ZNF804A: variants seen among roughly 807,000 people sequenced by gnomAD.
The protein encoded by ZNF804A is zinc finger protein 804A.
A neutral mutation model predicts 16.5 loss-of-function variants in ZNF804A; 2 were observed. The observed-to-expected ratio is 0.12, with a 90% CI of 0.05 to 0.38. ZNF804A has a LOEUF of 0.38. ZNF804A is among the 10% of genes least tolerant of loss of function. ZNF804A has a pLI of 0.99. For synonymous variants in ZNF804A, 534 were observed against 489.6 expected, an observed-to-expected ratio of 1.09 and a Z score of -1.20; for missense variants, 1,473 against 1,390.7, an observed-to-expected ratio of 1.06 and a Z score of -0.94.
chr2:184,711,792 T>C (rs1693132350), intron 1 of ZNF804A, among the ~76,000 whole-genome samples: 2 of 151,762 alleles, frequency 1.3e-5, no homozygotes, highest in South Asian at 2.1e-4. Flanking sequence ...TGACCATACA[T>C]ATATGGGTTT....
chr2:184,936,816 G>A lies in ZNF804A; in HGVS notation c.1420G>A (p.Asp474Asn), dbSNP rs1253639368. ...GTCTACTAAAGTAAATAATAATCTAGATAAAAATAAGCCAGACTTAAAAGA... is the reference window on the plus strand; with the variant it reads ...GTCTACTAAAGTAAATAATAATCTAAATAAAAATAAGCCAGACTTAAAAGA... ...FKSTKVNNNL[D>N]KNKPDLKDLC... is the part of the protein sequence containing the mutation. Residue 474 changes from aspartate (D) to asparagine (N), a missense_variant, in exon 4 of 4, where the codon GAT (aspartate) becomes AAT (asparagine). By Grantham distance (23) the Asp-to-Asn change is conservative. Coordinates refer to ENST00000302277, the MANE Select transcript of ZNF804A (RefSeq NM_194250.2). 1 of 1,612,940 alleles carries A rather than the reference G, an allele frequency of 6.2e-7. No homozygotes were observed. The highest frequency in any genetic ancestry group is 8.5e-7 in the Non-Finnish European group (1 of 1,179,606).
chr2:184,890,731 A>G (rs1684968079), intron 2 of ZNF804A, among the ~76,000 whole-genome samples: 1 of 151,666 alleles, frequency 6.6e-6, no homozygotes, highest in South Asian at 2.1e-4. Context: ...TCCTTCCAAA[A>G]TTAATTATTC....
chr2:184,683,283 GA>G (rs1256208264), intron 1 of ZNF804A, among the ~76,000 whole-genome samples: 1 of 151,970 alleles, frequency 6.6e-6, no homozygotes, highest in Non-Finnish European at 1.5e-5. Flanking sequence ...TTGTATGGGG[GA>G]TATACACTTT....
intron 1 of ZNF804A, among the ~76,000 whole-genome samples, chr2:184,856,616 T>C (rs184815270): frequency 6.5e-4 from 99 of 152,238 alleles, no homozygotes; most frequent in African/African-American, 2.3e-3. Context: ...TCAGGAATGA[T>C]GGTGATACCA....
intron 1 of ZNF804A, among the ~76,000 whole-genome samples, chr2:184,743,561 A>C (rs1693739732): frequency 6.6e-6 from 1 of 151,982 alleles, no homozygotes; most frequent in Admixed American, 6.6e-5. Context: ...AAATCACAGA[A>C]ACAAACTTTA....
intron 1 of ZNF804A, among the ~76,000 whole-genome samples, chr2:184,653,759 C>T (rs1040900456): frequency 2.0e-5 from 3 of 152,230 alleles, no homozygotes; most frequent in African/African-American, 7.2e-5. Context: ...GCATTCTTCC[C>T]TTTTCTGGTG....
At chr2:184,624,812 A>G (rs1451720121) in intron 1 of ZNF804A, among the ~76,000 whole-genome samples, 1 of 152,194 alleles carries the variant, frequency 6.6e-6, no homozygotes, top group Non-Finnish European at 1.5e-5. Context: ...ATTTATAACC[A>G]TGAAGAATAG....
At chr2:184,829,828 A>G (rs1246301246) in intron 1 of ZNF804A, among the ~76,000 whole-genome samples, 1 of 147,924 alleles carries the variant, frequency 6.8e-6, no homozygotes, top group Non-Finnish European at 1.5e-5. Context: ...TTGGAAGGCC[A>G]AGACTGGCAG....
At chr2:184,861,969 T>C (rs1695806675) in intron 1 of ZNF804A, among the ~76,000 whole-genome samples, 1 of 152,170 alleles carries the variant, frequency 6.6e-6, no homozygotes, top group East Asian at 1.9e-4. Context: ...TTTTTACATA[T>C]ATGTAAAAAG....
At chr2:184,643,331 C>T (rs1164190336) in intron 1 of ZNF804A, among the ~76,000 whole-genome samples, 3 of 151,806 alleles carry the variant, frequency 2.0e-5, no homozygotes, top group Non-Finnish European at 2.9e-5. Flanking sequence ...ATTTTTGAAC[C>T]TTGGATTTCT....
chr2:184,698,011 A>C (rs1692860767), intron 1 of ZNF804A, among the ~76,000 whole-genome samples: 2 of 152,056 alleles, frequency 1.3e-5, no homozygotes, highest in Non-Finnish European at 2.9e-5. Context: ...TTTTATTTGG[A>C]AAATTGAAGT....
chr2:184,609,820 G>T (rs1259402926), intron 1 of ZNF804A, among the ~76,000 whole-genome samples: 3 of 152,196 alleles, frequency 2.0e-5, no homozygotes, highest in Admixed American at 2.0e-4. Context: ...TATTTTGGGG[G>T]ATACAGAAGT....
intron 2 of ZNF804A, among the ~76,000 whole-genome samples, chr2:184,887,925 T>G (rs1355667265): frequency 1.3e-5 from 2 of 151,904 alleles, no homozygotes; most frequent in Non-Finnish European, 2.9e-5. Context: ...AAACATTGAG[T>G]ATATATGGAC....
chr2:184,820,007 C>G (rs1284264815), intron 1 of ZNF804A, among the ~76,000 whole-genome samples: 3 of 152,046 alleles, frequency 2.0e-5, no homozygotes, highest in Non-Finnish European at 2.9e-5. Flanking sequence ...GAGCTGGTAT[C>G]ATTTCTATTG....
At position 184,937,374 on chromosome 2, in the gene ZNF804A, C is replaced by G; in HGVS notation, c.1978C>G (p.Pro660Ala). ...LDSHQLLDKR[P>A]KSESISLSDN... Reference sequence around the variant, plus strand: ...CTCACATCAGTTACTTGATAAAAGGCCCAAATCAGAATCCATATCCTTAAG... The same window carrying G: ...CTCACATCAGTTACTTGATAAAAGGGCCAAATCAGAATCCATATCCTTAAG... Residue 660 changes from proline to alanine, a missense_variant, in exon 4 of 4, where the codon CCC (proline) becomes GCC (alanine). Coordinates refer to ENST00000302277, the MANE Select transcript of ZNF804A (RefSeq NM_194250.2). 6.2e-7 allele frequency: 1 copy of G among 1,613,388 alleles called. No homozygotes were observed. Among genetic ancestry groups the G allele is most frequent in the Non-Finnish European group, 8.5e-7 (1 of 1,179,740 alleles).
At chr2:184,922,667 CTT>C (rs1156657907) in intron 2 of ZNF804A, among the ~76,000 whole-genome samples, 1 of 152,014 alleles carries the variant, frequency 6.6e-6, no homozygotes, top group Non-Finnish European at 1.5e-5. Flanking sequence ...CTCAAGAAGT[CTT>C]TGCCTACTCC....
At chr2:184,728,843 C>T (rs1042315715) in intron 1 of ZNF804A, among the ~76,000 whole-genome samples, 2 of 151,754 alleles carry the variant, frequency 1.3e-5, no homozygotes, top group African/African-American at 4.8e-5. Context: ...ATACACAATA[C>T]AATACTATTT....
chr2:184,654,550 C>T (rs2105702497), intron 1 of ZNF804A, among the ~76,000 whole-genome samples: 1 of 152,086 alleles, frequency 6.6e-6, no homozygotes, highest in South Asian at 2.1e-4. Context: ...TCTCAGTGCC[C>T]CCTTTTAGTC....
At chr2:184,860,404 C>A (rs1695780864) in intron 1 of ZNF804A, among the ~76,000 whole-genome samples, 1 of 152,190 alleles carries the variant, frequency 6.6e-6, no homozygotes, top group Non-Finnish European at 1.5e-5. Flanking sequence ...AAGTCTAGGA[C>A]CACAAGAACT....
Sources: allele counts gnomAD v4.1 joint callset (sites outside exome capture counted in the v4.1 genomes callset), GRCh38; gene constraint gnomAD v4.1.1; transcripts MANE v1.5; gene names NCBI Gene and HGNC (gene_info 2026-07-23, HGNC 2026-07-21).